Variants in KAZN observed in about 807,000 individuals in gnomAD.
KAZN encodes kazrin.
A neutral mutation model predicts 87.4 loss-of-function variants in KAZN; 40 were observed. The observed-to-expected ratio is 0.46, with a 90% CI of 0.36 to 0.60. The LOEUF (loss-of-function observed/expected upper bound fraction) is 0.60. Ranked by LOEUF, KAZN falls within the 20% of genes least tolerant of loss-of-function variation. KAZN has a pLI of 0.00. For synonymous variants in KAZN, 466 were observed against 458.3 expected (o/e 1.02, Z -0.22); for missense variants, 898 against 1,073.9 (o/e 0.84, Z 2.29).
intron 2 of KAZN, among the ~76,000 whole-genome samples, chr1:14,453,157 A>G (rs542187261): frequency 8.9e-4 from 136 of 152,048 alleles, no homozygotes; most frequent in African/African-American, 3.1e-3. Context: ...GGGTTTCACC[A>G]TGTTATCCAG....
At chr1:13,984,796 C>T (rs1023007472) in intron 1 of KAZN, among the ~76,000 whole-genome samples, 2 of 152,180 alleles carry the variant, frequency 1.3e-5, no homozygotes, top group Admixed American at 6.5e-5. Context: ...CTGAGATTCA[C>T]TTACCATATA....
chr1:14,096,559 C>A (rs1644133356), intron 1 of KAZN, among the ~76,000 whole-genome samples: 1 of 152,208 alleles, frequency 6.6e-6, no homozygotes, highest in African/African-American at 2.4e-5. Context: ...AGAATGGTGA[C>A]AATATCTCAA....
At chr1:14,039,632 A>G (rs1459798366) in intron 1 of KAZN, among the ~76,000 whole-genome samples, 1 of 152,244 alleles carries the variant, frequency 6.6e-6, no homozygotes, top group Admixed American at 6.5e-5. Flanking sequence ...TACACAGTAT[A>G]GTTTAGCAAT....
chr1:14,490,762 TAA>T (rs572434203), intron 2 of KAZN, among the ~76,000 whole-genome samples: 194 of 152,358 alleles, frequency 1.3e-3, no homozygotes, highest in African/African-American at 4.4e-3. Context: ...GTTTGCATTC[TAA>T]AAGATTTTTT....
chr1:14,173,658 T>TCCCCCCCCCC (rs1557535998), intron 1 of KAZN, among the ~76,000 whole-genome samples: 5 of 148,492 alleles, frequency 3.4e-5, no homozygotes, highest in African/African-American at 1.0e-4. Flanking sequence ...GTAGTTCCCC[T>TCCCCCCCCCC]CCCCGCCCCG....
intron 1 of KAZN, among the ~76,000 whole-genome samples, chr1:14,173,667 C>A (rs116108506): frequency 6.6e-6 from 1 of 151,800 alleles, no homozygotes; most frequent in Admixed American, 6.6e-5. Flanking sequence ...CTCCCCGCCC[C>A]GCCCCGCCCA....
At chr1:14,177,794 G>GTT (rs34230840) in intron 1 of KAZN, among the ~76,000 whole-genome samples, 4 of 140,064 alleles carry the variant, frequency 2.9e-5, no homozygotes, top group South Asian at 2.3e-4. Flanking sequence ...GTGTGTGTGT[G>GTT]TTTTTTTTTT....
intron 2 of KAZN, among the ~76,000 whole-genome samples, chr1:14,537,730 G>A (rs932609881): frequency 1.1e-4 from 17 of 152,188 alleles, no homozygotes; most frequent in African/African-American, 3.9e-4. Flanking sequence ...TTGGATCTCA[G>A]TTATCAGTTT....
chr1:14,365,381 G>GT (rs1348761065), intron 2 of KAZN, among the ~76,000 whole-genome samples: 1 of 128,140 alleles, frequency 7.8e-6, no homozygotes, highest in African/African-American at 3.2e-5. Flanking sequence ...GGGGGGGGGG[G>GT]GTCTTTCAAG....
At chr1:14,496,580 C>T (rs1226626663) in intron 2 of KAZN, among the ~76,000 whole-genome samples, 1 of 152,070 alleles carries the variant, frequency 6.6e-6, no homozygotes, top group East Asian at 1.9e-4. Flanking sequence ...GGTTCGTGAT[C>T]ACTTTTGAAT....
chr1:14,325,860 C>T (rs185081147), intron 2 of KAZN, among the ~76,000 whole-genome samples: 1 of 152,318 alleles, frequency 6.6e-6, no homozygotes, highest in East Asian at 1.9e-4. Flanking sequence ...TGTCTTAAGT[C>T]TCCTCCAACT....
At chr1:14,939,389 C>T (rs1245204971) in intron 1 of KAZN, among the ~76,000 whole-genome samples, 2 of 152,164 alleles carry the variant, frequency 1.3e-5, no homozygotes, top group Admixed American at 6.5e-5. Context: ...CCCACCTCAG[C>T]CTCCCGAGTA....
intron 1 of KAZN, among the ~76,000 whole-genome samples, chr1:14,647,092 A>T (rs542186426): frequency 6.6e-6 from 1 of 152,310 alleles, no homozygotes; most frequent in Admixed American, 6.5e-5. Flanking sequence ...TTTTACTTAC[A>T]TCTTAAACCC....
chr1:14,702,926 T>G (rs777939954), intron 1 of KAZN, among the ~76,000 whole-genome samples: 7 of 152,226 alleles, frequency 4.6e-5, no homozygotes, highest in Non-Finnish European at 1.0e-4. Context: ...AAAGAAATTT[T>G]GGGGGTAATT....
chr1:14,762,552 C>T lies in KAZN; in HGVS notation c.226+163329C>T, dbSNP rs919217429. Among the ~76,000 whole-genome samples, 14 of 151,916 alleles carry T rather than the reference C, an allele frequency of 9.2e-5. 1 individual carries two copies. The highest frequency in any genetic ancestry group is 4.2e-4 in the South Asian group (2 of 4,800). On this transcript the variant is annotated intron_variant, in intron 1 of 14. Coordinates refer to ENST00000376030, the MANE Select transcript of KAZN (RefSeq NM_201628.3). ...CATCCTGGCTAACATGGTGAAACCCCGTCTCTACTAAAAATACAAAAAATT... is the reference window on the plus strand; with the variant it reads ...CATCCTGGCTAACATGGTGAAACCCTGTCTCTACTAAAAATACAAAAAATT...
At chr1:14,407,862 A>G (rs939993562) in intron 2 of KAZN, among the ~76,000 whole-genome samples, 2 of 152,346 alleles carry the variant, frequency 1.3e-5, no homozygotes, top group Non-Finnish European at 2.9e-5. Flanking sequence ...GAGCTCCTGG[A>G]AAGTGCTTAT....
At chr1:14,480,712 T>C (rs1313257352) in intron 2 of KAZN, among the ~76,000 whole-genome samples, 3 of 145,486 alleles carry the variant, frequency 2.1e-5, no homozygotes, top group African/African-American at 5.0e-5. Flanking sequence ...TTTATGTATA[T>C]ATAAACAGAT....
At chr1:14,936,568 C>T (rs760079251) in intron 1 of KAZN, among the ~76,000 whole-genome samples, 28 of 152,254 alleles carry the variant, frequency 1.8e-4, no homozygotes, top group Admixed American at 7.9e-4. Context: ...TCCCTCCACC[C>T]TCCCAGCAGT....
intron 2 of KAZN, among the ~76,000 whole-genome samples, chr1:14,268,579 C>A (rs537349553): frequency 2.0e-5 from 3 of 152,192 alleles, no homozygotes; most frequent in East Asian, 3.9e-4. Flanking sequence ...TCTGCTCTCA[C>A]CTCTGTTTTC....
Sources: allele counts gnomAD v4.1 joint callset (sites outside exome capture counted in the v4.1 genomes callset), GRCh38; gene constraint gnomAD v4.1.1; transcripts MANE v1.5; gene names NCBI Gene and HGNC (gene_info 2026-07-23, HGNC 2026-07-21).